Variants in CNTNAP2 observed in about 807,000 individuals in gnomAD.
CNTNAP2 encodes the protein contactin associated protein 2.
Under a neutral mutation model 155.2 loss-of-function variants are expected in CNTNAP2, and 98 were observed. The observed-to-expected ratio is 0.63, with a 90% CI of 0.54 to 0.75. The LOEUF (loss-of-function observed/expected upper bound fraction) is 0.75, where lower values mean the gene tolerates loss of function less well. Among genes scored for constraint, CNTNAP2 ranks in the 30% least tolerant of loss-of-function variants. The pLI, the probability that CNTNAP2 is intolerant of heterozygous loss-of-function variation, is 0.00. For synonymous variants in CNTNAP2, 651 were observed against 631.2 expected (o/e 1.03, Z -0.47); for missense variants, 1,727 against 1,688.1 (o/e 1.02, Z -0.40).
At chr7:147,474,441 A>G (rs962573958) in intron 10 of CNTNAP2, among the ~76,000 whole-genome samples, 5 of 152,064 alleles carry the variant, frequency 3.3e-5, no homozygotes, top group African/African-American at 9.7e-5. Flanking sequence ...CTTAAAATAT[A>G]AAAATTAGTT....
At chr7:146,939,263 G>A (rs143925641) in intron 3 of CNTNAP2, among the ~76,000 whole-genome samples, 1 of 152,110 alleles carries the variant, frequency 6.6e-6, no homozygotes, top group Admixed American at 6.5e-5. Context: ...CACAATAGGA[G>A]TTCGTTTTGA....
At chr7:148,046,468 T>A (rs577121730) in intron 15 of CNTNAP2, among the ~76,000 whole-genome samples, 280 of 152,342 alleles carry the variant, frequency 1.8e-3, no homozygotes, top group African/African-American at 6.7e-3. Flanking sequence ...TTTTATACTA[T>A]TCTAATTTAT....
rs373457840 is a variant in CNTNAP2 at position 146,497,890 on chromosome 7, TA to T, written c.98-276380del. Among the ~76,000 whole-genome samples the T allele has an allele frequency of 3.6e-4, 49 of 135,326 alleles. No homozygotes were observed. In the East Asian group the frequency reaches 0.01, roughly 28 times the overall value. 88.8% of individuals were successfully genotyped at this position (135,326 alleles called of 152,430 possible). A position where few individuals can be genotyped will look rare whatever the true frequency, so the allele number is the denominator to read the frequency against. Reference sequence around the variant, plus strand: ...ATATATAAACACATATATACAATTATATATGTTTATTCAAACATATATAAAC... The same window carrying T: ...ATATATAAACACATATATACAATTATTATGTTTATTCAAACATATATAAAC... On this transcript the variant is annotated intron_variant, in intron 1 of 23. Transcript: ENST00000361727.
At chr7:146,173,857 A>T (rs1333796237) in intron 1 of CNTNAP2, among the ~76,000 whole-genome samples, 1 of 152,184 alleles carries the variant, frequency 6.6e-6, no homozygotes, top group Admixed American at 6.5e-5. Flanking sequence ...AAGTGTGCTC[A>T]AGCAGTAGCT....
intron 1 of CNTNAP2, among the ~76,000 whole-genome samples, chr7:146,255,421 C>T (rs372077626): frequency 5.9e-5 from 9 of 152,174 alleles, no homozygotes; most frequent in African/African-American, 1.9e-4. Context: ...GGGGCATCAA[C>T]AATGATGATA....
intron 1 of CNTNAP2, among the ~76,000 whole-genome samples, chr7:146,324,269 GCAAAACAAAA>G (rs979743862): frequency 6.6e-6 from 1 of 152,012 alleles, no homozygotes; most frequent in Non-Finnish European, 1.5e-5. Flanking sequence ...CAAAAGCAAA[GCAAAACAAAA>G]CAAAACAAAA....
At chr7:147,755,688 C>G (rs1797205183) in intron 13 of CNTNAP2, among the ~76,000 whole-genome samples, 1 of 152,106 alleles carries the variant, frequency 6.6e-6, no homozygotes, top group South Asian at 2.1e-4. Flanking sequence ...TGATAGCAAA[C>G]AGTAGTATTA....
intron 3 of CNTNAP2, among the ~76,000 whole-genome samples, chr7:146,901,870 CT>C (rs71165048): frequency 5.3e-3 from 470 of 88,216 alleles, no homozygotes; most frequent in African/African-American, 0.018. Flanking sequence ...ATATATGCTC[CT>C]TTTTTTTTTT....
intron 3 of CNTNAP2, among the ~76,000 whole-genome samples, chr7:147,026,395 A>G (rs1257906911): frequency 6.6e-6 from 1 of 152,212 alleles, no homozygotes; most frequent in Non-Finnish European, 1.5e-5. Context: ...CTAACAAAAT[A>G]TTACCACATC....
chr7:147,654,094 A>C (rs923005580), intron 13 of CNTNAP2, among the ~76,000 whole-genome samples: 44 of 152,182 alleles, frequency 2.9e-4, no homozygotes, highest in Non-Finnish European at 5.6e-4. Flanking sequence ...AAATATAAGA[A>C]ATCTTAATGA....
intron 22 of CNTNAP2, among the ~76,000 whole-genome samples, chr7:148,394,052 A>G (rs371655236): frequency 6.6e-6 from 1 of 151,952 alleles, no homozygotes. Context: ...TAAATTTTAC[A>G]TGGTGAAATG....
chr7:146,405,557 A>G (rs538151002), intron 1 of CNTNAP2, among the ~76,000 whole-genome samples: 203 of 152,380 alleles, frequency 1.3e-3, no homozygotes, highest in Middle Eastern at 6.8e-3. Flanking sequence ...ACACGTAGGT[A>G]TTATTTCTCT....
chr7:146,819,013 T>G (rs1275003237), intron 2 of CNTNAP2, among the ~76,000 whole-genome samples: 2 of 152,114 alleles, frequency 1.3e-5, no homozygotes, highest in Non-Finnish European at 2.9e-5. Flanking sequence ...ATCATATTAT[T>G]TATAATTTTA....
chr7:148,141,871 T>A (rs1805079591), intron 16 of CNTNAP2, among the ~76,000 whole-genome samples: 1 of 152,150 alleles, frequency 6.6e-6, no homozygotes, highest in Non-Finnish European at 1.5e-5. Context: ...TCTAAGGCCC[T>A]GGGGCAGGAG....
intron 1 of CNTNAP2, among the ~76,000 whole-genome samples, chr7:146,217,827 GCATTT>G (rs1799137906): frequency 6.6e-6 from 1 of 152,108 alleles, no homozygotes; most frequent in Non-Finnish European, 1.5e-5. Flanking sequence ...AAGAGTATAT[GCATTT>G]GTCAAAACAT....
intron 18 of CNTNAP2, among the ~76,000 whole-genome samples, chr7:148,184,449 C>T (rs1312928126): frequency 6.6e-6 from 1 of 152,174 alleles, no homozygotes; most frequent in Non-Finnish European, 1.5e-5. Context: ...GTACAAATGA[C>T]TTATGATTTA....
At chr7:147,544,602 G>A (rs76906057) in intron 11 of CNTNAP2, among the ~76,000 whole-genome samples, 1 of 151,696 alleles carries the variant, frequency 6.6e-6, no homozygotes, top group Non-Finnish European at 1.5e-5. Flanking sequence ...CTAGAAACTT[G>A]TGCCTGTGTT....
intron 10 of CNTNAP2, among the ~76,000 whole-genome samples, chr7:147,408,891 C>T (rs1257552991): frequency 6.6e-6 from 1 of 152,062 alleles, no homozygotes; most frequent in Admixed American, 6.5e-5. Flanking sequence ...ATTACCTGGG[C>T]AGAGGTGATG....
At chr7:147,287,331 G>T (rs10952677) in intron 8 of CNTNAP2, among the ~76,000 whole-genome samples, 37,228 of 151,838 alleles carry the variant, frequency 0.25, 4,846 homozygotes, top group Non-Finnish European at 0.26. Context: ...GGGGTAATTA[G>T]ATATGGAAAA....
Sources: gnomAD v4.1 joint callset for allele counts (sites outside exome capture counted in the v4.1 genomes callset) on GRCh38, gnomAD v4.1.1 for gene constraint, MANE v1.5 for transcripts, NCBI Gene and HGNC (gene_info 2026-07-23, HGNC 2026-07-21) for gene names.